The following LONP2 variants were observed in gnomAD, a reference collection of about 807,000 sequenced individuals.
The protein encoded by LONP2 is lon protease homolog 2, peroxisomal.
Under a neutral mutation model 85.6 loss-of-function variants are expected in LONP2, and 60 were observed. The observed-to-expected ratio is 0.70, with a 90% CI of 0.57 to 0.87. LONP2 has a LOEUF of 0.87. LONP2 is among the 40% of genes least tolerant of loss of function. The probability of loss-of-function intolerance (pLI) is 0.00; values close to 1 mark genes in which losing one functional copy is unlikely to be tolerated. For missense variants in LONP2, 860 were observed against 1,063.5 expected, an observed-to-expected ratio of 0.81 and a Z score of 2.66; for synonymous variants, 395 against 389.7, an observed-to-expected ratio of 1.01 and a Z score of -0.16.
rs1960373926 is a variant in LONP2, at chr16:48,356,678, C to CA, written c.*4881dup. On this transcript the variant is annotated 3_prime_UTR_variant, in exon 15 of 15. Coordinates refer to ENST00000285737, the MANE Select transcript of LONP2 (RefSeq NM_031490.5). Reference sequence around the variant, plus strand: ...AAATGCTGAAAGAGGAAGGAAATATCAAAAAGGTCTGAATAGACAACAGGC... The same window carrying CA: ...AAATGCTGAAAGAGGAAGGAAATATCAAAAAAGGTCTGAATAGACAACAGGC... The CA allele has an allele frequency of 2.6e-6, 1 of 388,696 alleles. No homozygotes were observed. The highest frequency in any genetic ancestry group is 1.9e-5 in the South Asian group (1 of 52,320). 24.1% of individuals were successfully genotyped at this position (388,696 alleles called of 1,614,324 possible).
intron 7 of LONP2, among the ~76,000 whole-genome samples, chr16:48,275,798 A>G (rs1972196156): frequency 6.6e-6 from 1 of 152,176 alleles, no homozygotes; most frequent in South Asian, 2.1e-4. Flanking sequence ...CTTATTCTGT[A>G]GGCTCTGGGA....
intron 7 of LONP2, among the ~76,000 whole-genome samples, chr16:48,275,723 A>G (rs1972194372): frequency 6.6e-6 from 1 of 152,176 alleles, no homozygotes; most frequent in Admixed American, 6.6e-5. Flanking sequence ...AATGGCAGCA[A>G]GTTGGGAAGA....
intron 11 of LONP2, among the ~76,000 whole-genome samples, chr16:48,322,154 A>G (rs1261730097): frequency 6.6e-6 from 1 of 152,070 alleles, no homozygotes; most frequent in African/African-American, 2.4e-5. Flanking sequence ...ATAGCTATAC[A>G]AAAAATATTT....
downstream of LONP2, chr16:48,360,711 A>T (rs909853262): frequency 1.3e-5 from 2 of 152,668 alleles, no homozygotes; most frequent in East Asian, 3.8e-4. Context: ...TTTGTCCAAG[A>T]TATCTGAAAA....
Position 48,244,400 on chromosome 16 carries a change from G to C in LONP2, c.12G>C (p.Val4=). ...GAAAGGCTGCCAGCATGTCATCAGT[G>C]AGCCCCATCCAGATCCCCAGTCGCC... MSS[V]SPIQIPSRLP... The change falls in exon 1 of 15, where the codon GTG becomes GTC. Residue 4 remains valine, a synonymous_variant. Transcript: ENST00000285737. 6.4e-7 allele frequency: 1 copy of C among 1,558,002 alleles called. No individual in the cohort carries two copies. Among genetic ancestry groups the C allele is most frequent in the Non-Finnish European group, 8.6e-7 (1 of 1,157,462 alleles).
At chr16:48,343,097 G>A (rs144886187) in intron 12 of LONP2, among the ~76,000 whole-genome samples, 2 of 152,308 alleles carry the variant, frequency 1.3e-5, no homozygotes, top group East Asian at 3.9e-4. Flanking sequence ...CCACACTGGA[G>A]TATAACTGCT....
At position 48,357,162 on chromosome 16, in the gene LONP2, C is replaced by T. The variant is rs1960401956; in HGVS notation, c.*5360C>T. 1 of 152,130 alleles carries T rather than the reference C, an allele frequency of 6.6e-6. No individual in the cohort carries two copies. Among genetic ancestry groups the T allele is most frequent in the Non-Finnish European group, 1.5e-5 (1 of 68,038 alleles). 9.4% of individuals were successfully genotyped at this position (152,130 alleles called of 1,614,324 possible). A position where few individuals can be genotyped will look rare whatever the true frequency, so the allele number is the denominator to read the frequency against. ...ATTCCCTTACGCAGTGGACATCATA[C>T]CCTTTTGTGGAGGAGGGACCAGGCA... On this transcript the variant is annotated 3_prime_UTR_variant, in exon 15 of 15. Transcript: ENST00000285737.
In LONP2 at chr16:48,270,243, G is replaced by A. The variant is rs982796242; in HGVS notation, c.1210G>A (p.Val404Ile). The change falls in exon 7 of 15, where the codon GTA becomes ATA. Residue 404 changes from valine to isoleucine, a missense_variant. This residue lies in a region of LONP2 where 743 missense variants were observed against 917.3 expected (regional missense o/e 0.81). Transcript: ENST00000285737. ...GTTCCACAGGATTGCACTTGGAGGA[G>A]TATGTGATCAGTCTGACATTCGAGG... ...REFHRIALGG[V>I]CDQSDIRGHR... 3.7e-6 allele frequency: 6 copies of A among 1,613,858 alleles called. No individual in the cohort carries two copies. The highest frequency in any genetic ancestry group is 4.2e-6 in the Non-Finnish European group (5 of 1,179,908).
chr16:48,342,434 T>C (rs1959843599), intron 12 of LONP2, among the ~76,000 whole-genome samples: 1 of 152,238 alleles, frequency 6.6e-6, no homozygotes, highest in Non-Finnish European at 1.5e-5. Context: ...TACTTCTCCA[T>C]GTTGCTCCAT....
At chr16:48,329,160 C>A (rs13331795) in intron 11 of LONP2, among the ~76,000 whole-genome samples, 1,990 of 152,292 alleles carry the variant, frequency 0.013, 44 homozygotes, top group African/African-American at 0.046. Context: ...ACTGTAGCTT[C>A]CCCCTCACCT....
chr16:48,300,754 G>A (rs189343502), intron 10 of LONP2, among the ~76,000 whole-genome samples: 1 of 151,976 alleles, frequency 6.6e-6, no homozygotes, highest in African/African-American at 2.4e-5. Context: ...ATAATGCCAG[G>A]AGAAATAAAT....
At chr16:48,349,178 A>G (rs1280686381) in intron 14 of LONP2, among the ~76,000 whole-genome samples, 2 of 148,580 alleles carry the variant, frequency 1.3e-5, no homozygotes, top group African/African-American at 5.2e-5. Flanking sequence ...TTAGTTGAGT[A>G]TTAGTCTACA....
intron 1 of LONP2, among the ~76,000 whole-genome samples, chr16:48,250,079 C>A (rs1485339290): frequency 6.6e-6 from 1 of 151,768 alleles, no homozygotes; most frequent in African/African-American, 2.4e-5. Context: ...GTAATCCCAG[C>A]TAGTTGGGAG....
Position 48,277,479 on chromosome 16 carries a change from G to C in LONP2, c.1383G>C (p.Glu461Asp). The change falls in exon 8 of 15, where the codon GAG becomes GAC. Residue 461 changes from glutamate (E) to aspartate (D), a missense_variant and splice_region_variant. By Grantham distance (45) the Glu-to-Asp change is conservative (BLOSUM62 2). This residue lies in a region of LONP2 where 743 missense variants were observed against 917.3 expected (regional missense o/e 0.81). Transcript: ENST00000285737. ...LQGDPAAALL[E>D]VLDPEQNHNF... is the part of the protein sequence containing the mutation. ...GTGATCCAGCAGCAGCTCTGCTTGA[G>C]GTAAGATTTGGAAAATTCCCTGTCT... The C allele has an allele frequency of 2.5e-6, 4 of 1,612,548 alleles. No individual in the cohort carries two copies. The highest frequency in any genetic ancestry group is 3.4e-6 in the Non-Finnish European group (4 of 1,179,256).
intron 8 of LONP2, among the ~76,000 whole-genome samples, chr16:48,292,699 C>T (rs191091427): frequency 1.3e-5 from 2 of 152,332 alleles, no homozygotes; most frequent in African/African-American, 2.4e-5. Flanking sequence ...TGTTAACAAA[C>T]TTTAAATAAA....
chr16:48,263,515 G>A (rs929903572), intron 6 of LONP2, among the ~76,000 whole-genome samples: 6 of 152,184 alleles, frequency 3.9e-5, no homozygotes, highest in Non-Finnish European at 7.3e-5. Flanking sequence ...GTCCATCCAT[G>A]TTGTCACAGA....
At chr16:48,281,402 T>G (rs976395452) in intron 8 of LONP2, among the ~76,000 whole-genome samples, 1 of 152,138 alleles carries the variant, frequency 6.6e-6, no homozygotes, top group Non-Finnish European at 1.5e-5. Context: ...ACTATAAAAA[T>G]AGGTCCAACT....
At chr16:48,349,903 A>G (rs1402593454) in intron 14 of LONP2, among the ~76,000 whole-genome samples, 1 of 152,212 alleles carries the variant, frequency 6.6e-6, no homozygotes, top group Admixed American at 6.5e-5. Flanking sequence ...TTTTCAGATT[A>G]CTGAGGATAA....
chr16:48,272,956 G>A (rs1384577663), intron 7 of LONP2, among the ~76,000 whole-genome samples: 2 of 152,168 alleles, frequency 1.3e-5, no homozygotes, highest in Non-Finnish European at 2.9e-5. Context: ...AGGAGAGAAA[G>A]AACAACCGAC....
Sources: gnomAD v4.1 joint callset for allele counts (sites outside exome capture counted in the v4.1 genomes callset) on GRCh38, gnomAD v4.1.1 for gene constraint, gnomAD v4.1.1 regional missense constraint, MANE v1.5 for transcripts, NCBI Gene and HGNC (gene_info 2026-07-23, HGNC 2026-07-21) for gene names.